The following CACNA2D3 variants were observed in gnomAD, a reference collection of about 807,000 sequenced individuals.
CACNA2D3 encodes the protein calcium voltage-gated channel auxiliary subunit alpha2delta 3.
In CACNA2D3, 60 loss-of-function variants were observed where a neutral mutation model predicts 160.6. That is an observed-to-expected ratio of 0.37 (90% CI 0.30 to 0.46). The LOEUF (loss-of-function observed/expected upper bound fraction) is 0.46, where lower values mean the gene tolerates loss of function less well. CACNA2D3 is among the 20% of genes least tolerant of loss of function. CACNA2D3 has a pLI of 1.00. For missense variants in CACNA2D3, 1,205 were observed against 1,365.0 expected (o/e 0.88, Z 1.85); for synonymous variants, 558 against 492.9 (o/e 1.13, Z -1.75).
intron 3 of CACNA2D3, among the ~76,000 whole-genome samples, chr3:54,380,154 A>G (rs1252285351): frequency 6.6e-6 from 1 of 152,234 alleles, no homozygotes; most frequent in Non-Finnish European, 1.5e-5. Flanking sequence ...GTACAAGACA[A>G]GAGTTTGAAA....
At chr3:54,819,249 A>T (rs750910971) in intron 14 of CACNA2D3, among the ~76,000 whole-genome samples, 31 of 152,246 alleles carry the variant, frequency 2.0e-4, no homozygotes, top group Non-Finnish European at 3.7e-4. Flanking sequence ...CTAAGCCTAC[A>T]TGTTTTTATT....
chr3:54,229,393 C>T (rs1337324005), intron 2 of CACNA2D3, among the ~76,000 whole-genome samples: 1 of 152,072 alleles, frequency 6.6e-6, no homozygotes, highest in Non-Finnish European at 1.5e-5. Flanking sequence ...CGGGGTTTCA[C>T]CATGTTAGCC....
At chr3:54,142,036 C>G (rs964916469) in intron 2 of CACNA2D3, among the ~76,000 whole-genome samples, 3 of 152,170 alleles carry the variant, frequency 2.0e-5, no homozygotes, top group African/African-American at 7.2e-5. Context: ...TAGTTCATGA[C>G]CTGAAGACCT....
rs985098490 is a variant in CACNA2D3 at position 54,256,952 on chromosome 3, T to C, written c.205-63490T>C. On this transcript the variant is annotated intron_variant, in intron 2 of 37. Transcript: ENST00000474759. ...TTTTTGGGTCAGTGCTGGCACTTTA[T>C]AAATCTGCGTTTGGCCCTTCCTTCA... Among the ~76,000 whole-genome samples the C allele has an allele frequency of 3.3e-5, 5 of 152,238 alleles. No homozygotes were observed. In the East Asian group the frequency reaches 9.6e-4, roughly 29 times the overall value.
chr3:54,999,924 G>T (rs1290879508), intron 31 of CACNA2D3, among the ~76,000 whole-genome samples: 2 of 152,180 alleles, frequency 1.3e-5, no homozygotes, highest in Non-Finnish European at 2.9e-5. Flanking sequence ...TGTTTGTATT[G>T]CTTTGAGTTG....
chr3:54,464,714 C>A (rs1700580850), intron 4 of CACNA2D3, among the ~76,000 whole-genome samples: 1 of 152,220 alleles, frequency 6.6e-6, no homozygotes, highest in East Asian at 1.9e-4. Context: ...ACTCCCTGAC[C>A]CCTCGCGCTT....
intron 31 of CACNA2D3, among the ~76,000 whole-genome samples, chr3:54,999,093 A>G (rs1482190086): frequency 6.6e-6 from 1 of 152,188 alleles, no homozygotes; most frequent in African/African-American, 2.4e-5. Context: ...CAAAGGCAGT[A>G]GGACCAGGGT....
At chr3:54,711,132 C>G (rs1174586687) in intron 11 of CACNA2D3, among the ~76,000 whole-genome samples, 1 of 152,112 alleles carries the variant, frequency 6.6e-6, no homozygotes, top group African/African-American at 2.4e-5. Context: ...CATAAAATAA[C>G]GTGATTTTTC....
chr3:54,191,903 A>G (rs1287148204), intron 2 of CACNA2D3, among the ~76,000 whole-genome samples: 1 of 152,164 alleles, frequency 6.6e-6, no homozygotes, highest in Non-Finnish European at 1.5e-5. Context: ...ATATTGCATA[A>G]CAACACCAAA....
rs190608288 is a variant in CACNA2D3, at chr3:54,830,886, T to C, written c.1399-6273T>C. Among the ~76,000 whole-genome samples the C allele has an allele frequency of 2.2e-3, 340 of 152,230 alleles. 1 individual carries two copies. Among genetic ancestry groups the C allele is most frequent in the Admixed American group, 0.015 (234 of 15,286 alleles). Reference sequence around the variant, plus strand: ...TGGCCACTAGATGGTGGCAGTGTCTTTTCATAGAGTGCAGGTTGAAGTTCC... The same window carrying C: ...TGGCCACTAGATGGTGGCAGTGTCTCTTCATAGAGTGCAGGTTGAAGTTCC... On this transcript the variant is annotated intron_variant, in intron 14 of 37. Coordinates refer to ENST00000474759, the MANE Select transcript of CACNA2D3 (RefSeq NM_018398.3).
intron 11 of CACNA2D3, among the ~76,000 whole-genome samples, chr3:54,743,326 G>T (rs1196317193): frequency 6.6e-6 from 1 of 152,092 alleles, no homozygotes; most frequent in Non-Finnish European, 1.5e-5. Context: ...TGAGGATGAC[G>T]GTAACTGGGA....
At chr3:54,540,940 A>G (rs1418981133) in intron 5 of CACNA2D3, among the ~76,000 whole-genome samples, 1 of 152,166 alleles carries the variant, frequency 6.6e-6, no homozygotes, top group Non-Finnish European at 1.5e-5. Flanking sequence ...ATGAAGTCAT[A>G]CTGGATTTAG....
At chr3:54,453,655 G>C (rs1700348018) in intron 4 of CACNA2D3, among the ~76,000 whole-genome samples, 1 of 152,108 alleles carries the variant, frequency 6.6e-6, no homozygotes, top group Admixed American at 6.6e-5. Context: ...ACAATGTCTT[G>C]CTCTTGCTCT....
intron 2 of CACNA2D3, among the ~76,000 whole-genome samples, chr3:54,261,660 A>G (rs1409740950): frequency 6.6e-6 from 1 of 152,216 alleles, no homozygotes; most frequent in Admixed American, 6.5e-5. Context: ...GCAGGGATAG[A>G]AGGAGACATA....
intron 3 of CACNA2D3, among the ~76,000 whole-genome samples, chr3:54,337,259 A>G (rs1021626731): frequency 6.6e-5 from 10 of 152,198 alleles, no homozygotes; most frequent in African/African-American, 1.9e-4. Context: ...CCTTGTGCCT[A>G]AGACACATCT....
chr3:54,274,556 T>C (rs1702693302), intron 2 of CACNA2D3, among the ~76,000 whole-genome samples: 1 of 152,218 alleles, frequency 6.6e-6, no homozygotes, highest in African/African-American at 2.4e-5. Context: ...CAAAATTATC[T>C]ATTGTTGTAT....
intron 4 of CACNA2D3, among the ~76,000 whole-genome samples, chr3:54,496,580 C>G (rs1701206684): frequency 6.6e-6 from 1 of 152,096 alleles, no homozygotes; most frequent in South Asian, 2.1e-4. Context: ...AATACTTTTT[C>G]CTGAACCGTG....
At chr3:54,714,304 G>A (rs1288581886) in intron 11 of CACNA2D3, among the ~76,000 whole-genome samples, 2 of 152,180 alleles carry the variant, frequency 1.3e-5, no homozygotes, top group Admixed American at 6.5e-5. Context: ...CAGAAGCAAA[G>A]TCATCAAAAC....
intron 2 of CACNA2D3, among the ~76,000 whole-genome samples, chr3:54,256,969 C>T (rs1702309869): frequency 6.6e-6 from 1 of 152,184 alleles, no homozygotes; most frequent in Non-Finnish European, 1.5e-5. Flanking sequence ...GCGTTTGGCC[C>T]TTCCTTCATC....
Sources: gnomAD v4.1 joint callset for allele counts (sites outside exome capture counted in the v4.1 genomes callset) on GRCh38, gnomAD v4.1.1 for gene constraint, MANE v1.5 for transcripts, NCBI Gene and HGNC (gene_info 2026-07-23, HGNC 2026-07-21) for gene names.